Variants in SPSB1 observed in about 807,000 individuals in gnomAD.
The protein encoded by SPSB1 is SPRY domain-containing SOCS box protein 1.
SPSB1 carries 8 observed loss-of-function variants against 21.2 expected under a neutral mutation model. The observed-to-expected ratio is 0.38, with a 90% CI of 0.22 to 0.68. The LOEUF (loss-of-function observed/expected upper bound fraction) is 0.68, where lower values mean the gene tolerates loss of function less well. Ranked by LOEUF, SPSB1 falls within the 30% of genes least tolerant of loss-of-function variation. The pLI is 0.53. For missense variants in SPSB1, 242 were observed against 377.8 expected (o/e 0.64, Z 2.98); for synonymous variants, 169 against 161.7 (o/e 1.05, Z -0.34).
chr1:9,334,510 C>G (rs948859592), intron 1 of SPSB1, among the ~76,000 whole-genome samples: 1 of 152,206 alleles, frequency 6.6e-6, no homozygotes, highest in African/African-American at 2.4e-5. Flanking sequence ...CGTGAGCCAC[C>G]GTGCCTGGCC....
In SPSB1 at chr1:9,324,053, CAGCCTGGTTGCTCTG is replaced by C. The variant is rs1012110513; in HGVS notation, c.-150+30998_-150+31012del. On this transcript the variant is annotated intron_variant, in intron 1 of 2. Transcript: ENST00000328089. This position sits in a 1 kb window ranked among gnomAD's most constrained non-coding sequence, Gnocchi z 4.3. ...CGGGCCGCAGAACCCCTCCTCAGGC[CAGCCTGGTTGCTCTG>C]AGCCTGGTTGCTCTGTCATGGCCCC... is the stretch of plus-strand genomic sequence containing the variant. Among the ~76,000 whole-genome samples the C allele has an allele frequency of 2.0e-5, 3 of 152,228 alleles. No individual in the cohort carries two copies. The highest frequency in any genetic ancestry group is 4.8e-5 in the African/African-American group (2 of 41,462).
chr1:9,335,531 G>T (rs1224620288), intron 1 of SPSB1, among the ~76,000 whole-genome samples: 4 of 148,302 alleles, frequency 2.7e-5, no homozygotes, highest in Non-Finnish European at 6.0e-5. Context: ...TTGTGGGGTC[G>T]GGTGCAGTGG....
intron 1 of SPSB1, among the ~76,000 whole-genome samples, chr1:9,353,325 C>A (rs1393589886): frequency 6.6e-6 from 1 of 152,130 alleles, no homozygotes; most frequent in African/African-American, 2.4e-5. Flanking sequence ...CTCTCTCCCC[C>A]TTCCCTCCCG....
At chr1:9,314,175 C>CA (rs58276325) in intron 1 of SPSB1, among the ~76,000 whole-genome samples, 79,444 of 138,566 alleles carry the variant, frequency 0.57, 24,205 homozygotes, top group East Asian at 0.87. Context: ...GACTCTATCT[C>CA]AAAAAAAAAA....
At chr1:9,359,552 A>G (rs992406253) in intron 2 of SPSB1, among the ~76,000 whole-genome samples, 3 of 151,546 alleles carry the variant, frequency 2.0e-5, no homozygotes. Flanking sequence ...AAATGCAAAA[A>G]TTAGCCGGGC....
At chr1:9,343,779 C>G (rs923396008) in intron 1 of SPSB1, among the ~76,000 whole-genome samples, 1 of 150,268 alleles carries the variant, frequency 6.7e-6, no homozygotes, top group Non-Finnish European at 1.5e-5. Flanking sequence ...TTCCCATTAG[C>G]AGGTTTTTTG....
At chr1:9,304,581 G>A (rs1332236068) in intron 1 of SPSB1, among the ~76,000 whole-genome samples, 2 of 152,144 alleles carry the variant, frequency 1.3e-5, no homozygotes, top group East Asian at 1.9e-4. Flanking sequence ...GGTAAGCTTC[G>A]GTAACTAGTT....
chr1:9,320,063 G>A (rs1639691580), intron 1 of SPSB1, among the ~76,000 whole-genome samples: 1 of 152,188 alleles, frequency 6.6e-6, no homozygotes, highest in South Asian at 2.1e-4. Context: ...TGTGTGTGCA[G>A]CTAGACTCAC....
In SPSB1 at chr1:9,356,513, A is replaced by G; in HGVS notation, c.622A>G (p.Lys208Glu). The change falls in exon 2 of 3, where the codon AAA becomes GAA. Residue 208 changes from lysine (K) to glutamate (E), a missense_variant. By Grantham distance (56) the Lys-to-Glu change is moderately conservative (BLOSUM62 1). Transcript: ENST00000328089. This position sits in a 1 kb window ranked among gnomAD's most constrained non-coding sequence, Gnocchi z 7.4. Reference protein sequence around the residue: ...GVAFRGLKGKKLYPVVSAVWG... With the variant: ...GVAFRGLKGKELYPVVSAVWG... ...GGCTTTTCGGGGACTCAAGGGCAAA[A>G]AACTGTATCCTGTAGTGAGTGCCGT... 1.2e-6 allele frequency: 2 copies of G among 1,613,646 alleles called. No homozygotes were observed. Among genetic ancestry groups the G allele is most frequent in the African/African-American group, 2.7e-5 (2 of 75,022 alleles).
At chr1:9,365,120 G>A (rs567717911) in intron 2 of SPSB1, among the ~76,000 whole-genome samples, 22 of 152,322 alleles carry the variant, frequency 1.4e-4, no homozygotes, top group African/African-American at 4.8e-4. Context: ...GCCTCCCGAA[G>A]TGCTGGGATT....
Position 9,345,408 on chromosome 1 carries a change from C to T in SPSB1, c.-149-10335C>T, listed in dbSNP as rs1468882075. ...CAGATGGGCCCAGTGTGTTACCCGCCGAGGCTAGGCAGTGTCGGTGGTCCA... is the reference window on the plus strand; with the variant it reads ...CAGATGGGCCCAGTGTGTTACCCGCTGAGGCTAGGCAGTGTCGGTGGTCCA... On this transcript the variant is annotated intron_variant, in intron 1 of 2. Transcript: ENST00000328089. The surrounding 1 kb of genome is among the most constrained non-coding windows in gnomAD (Gnocchi z 4.8). 6.6e-6 allele frequency among the ~76,000 whole-genome samples: 1 copy of T among 151,970 alleles called. No individual in the cohort carries two copies. The highest frequency in any genetic ancestry group is 2.4e-5 in the African/African-American group (1 of 41,354).
rs189568736 is a variant in SPSB1, at chr1:9,349,341, G to A, written c.-149-6402G>A. ...CGTGCTCGACTTTGATATTGGTGAC[G>A]TGTCCTCTCCCTTTATCCCCCACCT... is the stretch of plus-strand genomic sequence containing the variant. On this transcript the variant is annotated intron_variant, in intron 1 of 2. Coordinates refer to ENST00000328089, the MANE Select transcript of SPSB1 (RefSeq NM_025106.4). 6.8e-4 allele frequency among the ~76,000 whole-genome samples: 103 copies of A among 152,360 alleles called. 1 individual carries two copies. The East Asian group carries it at 0.011, about 17-fold the overall frequency.
intron 1 of SPSB1, among the ~76,000 whole-genome samples, chr1:9,333,486 A>G (rs1040793725): frequency 1.3e-5 from 2 of 151,956 alleles, no homozygotes; most frequent in Non-Finnish European, 2.9e-5. Context: ...GCGTGCCACT[A>G]TGCCTGGCTA....
chr1:9,353,577 A>G (rs1199188114), intron 1 of SPSB1, among the ~76,000 whole-genome samples: 6 of 152,176 alleles, frequency 3.9e-5, no homozygotes, highest in African/African-American at 1.4e-4. Context: ...ACTGGACACA[A>G]GGAGTCCTGC....
At chr1:9,320,412 C>T (rs1405003370) in intron 1 of SPSB1, among the ~76,000 whole-genome samples, 5 of 151,986 alleles carry the variant, frequency 3.3e-5, no homozygotes, top group African/African-American at 9.7e-5. Context: ...CCCTGCCCCA[C>T]GTGTGTGCAG....
At chr1:9,326,958 C>T (rs1390492105) in intron 1 of SPSB1, among the ~76,000 whole-genome samples, 1 of 152,140 alleles carries the variant, frequency 6.6e-6, no homozygotes, top group African/African-American at 2.4e-5. Context: ...CTGCCCTTTT[C>T]CAGACTTCCA....
At chr1:9,331,318 CTTG>C (rs1233046852) in intron 1 of SPSB1, among the ~76,000 whole-genome samples, 101 of 71,684 alleles carry the variant, frequency 1.4e-3, no homozygotes, top group African/African-American at 5.8e-3. Flanking sequence ...TACTGGTGCT[CTTG>C]TTTTTTTTTT....
chr1:9,367,480 C>A lies in SPSB1; in HGVS notation c.727C>A (p.Arg243Ser). The change falls in exon 3 of 3, where the codon CGC (arginine) becomes AGC (serine). Residue 243 changes from arginine to serine, a missense_variant. Physicochemically the swap from Arg to Ser is moderately radical, Grantham distance 110. Coordinates refer to ENST00000328089, the MANE Select transcript of SPSB1 (RefSeq NM_025106.4). This position sits in a 1 kb window ranked among gnomAD's most constrained non-coding sequence, Gnocchi z 5.9. ...GCTGCCGCTCATGGATTTGTGCCGTCGCTCGGTGCGCCTGGCCCTGGGGAG... is the reference window on the plus strand; with the variant it reads ...GCTGCCGCTCATGGATTTGTGCCGTAGCTCGGTGCGCCTGGCCCTGGGGAG... The part of the protein sequence containing the change: ...EPLPLMDLCR[R>S]SVRLALGRER... 1 of 1,613,712 alleles carries A rather than the reference C, an allele frequency of 6.2e-7. No homozygotes were observed. The highest frequency in any genetic ancestry group is 8.5e-7 in the Non-Finnish European group (1 of 1,179,942).
chr1:9,340,122 T>TCAC (rs1289482336), intron 1 of SPSB1, among the ~76,000 whole-genome samples: 1 of 152,128 alleles, frequency 6.6e-6, no homozygotes, highest in Admixed American at 6.5e-5. Flanking sequence ...CGCCCTAGGG[T>TCAC]CACCGGGTGC....
Sources: gnomAD v4.1 joint callset for allele counts (sites outside exome capture counted in the v4.1 genomes callset) on GRCh38, gnomAD v4.1.1 for gene constraint, Gnocchi (gnomAD v3.1) non-coding constraint, MANE v1.5 for transcripts, NCBI Gene and HGNC (gene_info 2026-07-23, HGNC 2026-07-21) for gene names.